SPHKAP: variants seen among roughly 807,000 people sequenced by gnomAD.
SPHKAP encodes A-kinase anchor protein SPHKAP.
A neutral mutation model predicts 137.5 loss-of-function variants in SPHKAP; 67 were observed. That is an observed-to-expected ratio of 0.49 (90% CI 0.40 to 0.60). The LOEUF is 0.60. SPHKAP is among the 20% of genes least tolerant of loss of function. The probability of loss-of-function intolerance (pLI) is 0.00; values close to 1 mark genes in which losing one functional copy is unlikely to be tolerated. For missense variants in SPHKAP, 2,097 were observed against 2,069.3 expected (o/e 1.01, Z -0.26); for synonymous variants, 813 against 785.3 (o/e 1.04, Z -0.59).
chr2:228,042,272 G>T (rs11683009), intron 3 of SPHKAP, among the ~76,000 whole-genome samples: 1 of 152,088 alleles, frequency 6.6e-6, no homozygotes, highest in Non-Finnish European at 1.5e-5. Context: ...ATGTTCCTGC[G>T]CTCTGAACCA....
intron 3 of SPHKAP, among the ~76,000 whole-genome samples, chr2:228,050,969 C>A (rs1382944448): frequency 6.6e-6 from 1 of 151,994 alleles, no homozygotes; most frequent in Non-Finnish European, 1.5e-5. Flanking sequence ...ACACACCAGG[C>A]TAATTTTTGT....
rs370793462 is a variant in SPHKAP at position 228,027,476 on chromosome 2, A to C, written c.306+8T>G. 7 of 1,613,858 alleles carry C rather than the reference A, an allele frequency of 4.3e-6. No homozygotes were observed. In the Admixed American group the frequency reaches 1.0e-4, roughly 23 times the overall value. ...GACCTCCCGGTCAGCTTGAGTTTCA[A>C]ATGTTACCTGTTGCAGGTGCTCTGT... On this transcript the variant is annotated splice_region_variant and intron_variant, in intron 4 of 11. Coordinates refer to ENST00000392056, the MANE Select transcript of SPHKAP (RefSeq NM_001142644.2).
rs887956131 is a variant in SPHKAP, at chr2:228,181,132, A to G, written c.32+435T>C. 1.3e-5 allele frequency among the ~76,000 whole-genome samples: 2 copies of G among 152,082 alleles called. No homozygotes were observed. Among genetic ancestry groups the G allele is most frequent in the African/African-American group, 4.8e-5 (2 of 41,428 alleles). ...CCCCAGCAGCCCCAGACACCCGCCC[A>G]GGTCAAGGTGGAAGGAAAGCGGGGG... On this transcript the variant is annotated intron_variant, in intron 1 of 11. Coordinates refer to ENST00000392056, the MANE Select transcript of SPHKAP (RefSeq NM_001142644.2). This position sits in a 1 kb window ranked among gnomAD's most constrained non-coding sequence, Gnocchi z 4.3.
At chr2:228,082,457 G>GTTC (rs372868288) in intron 3 of SPHKAP, among the ~76,000 whole-genome samples, 3 of 108 alleles carry the variant, frequency 0.028, no homozygotes, top group African/African-American at 0.1. Flanking sequence ...AGTAGATAAA[G>GTTC]TTGTTATTAA....
intron 3 of SPHKAP, among the ~76,000 whole-genome samples, chr2:228,049,854 T>A (rs1310341511): frequency 1.3e-5 from 2 of 152,172 alleles, no homozygotes; most frequent in African/African-American, 4.8e-5. Flanking sequence ...CTGCATAGCA[T>A]TCCATGGTAT....
At chr2:228,101,657 G>A (rs1392180178) in intron 3 of SPHKAP, among the ~76,000 whole-genome samples, 1 of 152,186 alleles carries the variant, frequency 6.6e-6, no homozygotes, top group Non-Finnish European at 1.5e-5. Context: ...TTGCAGATAA[G>A]GAACCTGAGG....
At position 228,108,920 on chromosome 2, in the gene SPHKAP, A is replaced by G; in HGVS notation, c.158T>C (p.Leu53Pro). ...CAACCAGTAGTCTGTTGACTCCAGC[A>G]GGCTATTGCTGCGAAGAACCTGGAG... is the stretch of plus-strand genomic sequence containing the variant. Reference protein sequence around the residue: ...ACKKVLRSNSLLESTDYWLQN... With the variant: ...ACKKVLRSNSPLESTDYWLQN... Residue 53 changes from leucine (L) to proline (P), a missense_variant, in exon 3 of 12, where the codon CTG becomes CCG. Transcript: ENST00000392056. 3 of 1,602,730 alleles carry G rather than the reference A, an allele frequency of 1.9e-6. No individual in the cohort carries two copies. Among genetic ancestry groups the G allele is most frequent in the Non-Finnish European group, 1.7e-6 (2 of 1,177,114 alleles).
At chr2:228,071,156 T>C (rs1462947175) in intron 3 of SPHKAP, among the ~76,000 whole-genome samples, 1 of 152,186 alleles carries the variant, frequency 6.6e-6, no homozygotes, top group African/African-American at 2.4e-5. Context: ...CTTTATAGTA[T>C]GGGTAGTCCT....
chr2:228,142,591 C>T (rs1033658901), intron 1 of SPHKAP, among the ~76,000 whole-genome samples: 7 of 151,854 alleles, frequency 4.6e-5, no homozygotes, highest in Non-Finnish European at 7.4e-5. Flanking sequence ...AGCAAACTAA[C>T]GCAGGAAGAG....
chr2:228,007,562 T>A (rs1694190082), intron 7 of SPHKAP, among the ~76,000 whole-genome samples: 1 of 152,126 alleles, frequency 6.6e-6, no homozygotes, highest in African/African-American at 2.4e-5. Context: ...GAGATCAGAC[T>A]GTATTTGTCT....
intron 1 of SPHKAP, among the ~76,000 whole-genome samples, chr2:228,162,505 A>C (rs1574909548): frequency 6.6e-6 from 1 of 152,330 alleles, no homozygotes; most frequent in South Asian, 2.1e-4. Flanking sequence ...AATTATATTC[A>C]TGCAGCTATT....
intron 11 of SPHKAP, among the ~76,000 whole-genome samples, chr2:227,987,600 A>G (rs755712726): frequency 6.6e-6 from 1 of 152,184 alleles, no homozygotes; most frequent in Non-Finnish European, 1.5e-5. Flanking sequence ...AAAATGAAGT[A>G]CCATTTGTCA....
chr2:228,070,943 C>G (rs1696985628), intron 3 of SPHKAP, among the ~76,000 whole-genome samples: 1 of 152,094 alleles, frequency 6.6e-6, no homozygotes, highest in Non-Finnish European at 1.5e-5. Context: ...TCATGGGGTT[C>G]TGGGTGGCCC....
intron 1 of SPHKAP, among the ~76,000 whole-genome samples, chr2:228,154,834 C>T (rs951544540): frequency 6.7e-6 from 1 of 150,344 alleles, no homozygotes; most frequent in African/African-American, 2.4e-5. Context: ...GCTGGGATTA[C>T]AGTCTTGAGC....
rs928701112 is a variant in SPHKAP, at chr2:228,101,012, T to A, written c.246+7820A>T. On this transcript the variant is annotated intron_variant, in intron 3 of 11. Coordinates refer to ENST00000392056, the MANE Select transcript of SPHKAP (RefSeq NM_001142644.2). Reference sequence around the variant, plus strand: ...CTCAGCCCAAGCCGCTTTCTCTATCTGCACATTCTCCCTGGTTGGCTGATC... The same window carrying A: ...CTCAGCCCAAGCCGCTTTCTCTATCAGCACATTCTCCCTGGTTGGCTGATC... Among the ~76,000 whole-genome samples the A allele has an allele frequency of 3.9e-5, 6 of 152,316 alleles. No individual in the cohort carries two copies. The East Asian group carries it at 7.7e-4, about 20-fold the overall frequency.
rs11336381 is a variant in SPHKAP at position 228,093,859 on chromosome 2, C to CAAAAAAA, written c.246+14966_246+14972dup. On this transcript the variant is annotated intron_variant, in intron 3 of 11. Coordinates refer to ENST00000392056, the MANE Select transcript of SPHKAP (RefSeq NM_001142644.2). ...TGGGCGACAGGGCAAGACTCCGTTT[C>CAAAAAAA]AAAAAAAAAAAAAAAAAAAAAAAAA... Among the ~76,000 whole-genome samples, 80 of 77,136 alleles carry CAAAAAAA rather than the reference C, an allele frequency of 1.0e-3. 10 individuals carry two copies. Among genetic ancestry groups the CAAAAAAA allele is most frequent in the Non-Finnish European group, 1.4e-3 (60 of 42,968 alleles). The allele number at this position is 77,136 out of a possible 152,430, so 50.6% of individuals were successfully genotyped here.
At chr2:228,158,162 G>C (rs954431204) in intron 1 of SPHKAP, among the ~76,000 whole-genome samples, 1 of 152,132 alleles carries the variant, frequency 6.6e-6, no homozygotes, top group Non-Finnish European at 1.5e-5. Flanking sequence ...AAATTCATCA[G>C]CATTCTGTTC....
intron 1 of SPHKAP, among the ~76,000 whole-genome samples, chr2:228,134,206 G>GAGGA (rs1333413739): frequency 7.1e-6 from 1 of 140,338 alleles, no homozygotes; most frequent in Non-Finnish European, 1.5e-5. Context: ...GGGAGGGAGC[G>GAGGA]AGGAAGGAAG....
intron 1 of SPHKAP, among the ~76,000 whole-genome samples, chr2:228,178,442 C>T (rs1275777071): frequency 6.6e-6 from 1 of 152,144 alleles, no homozygotes; most frequent in East Asian, 1.9e-4. Context: ...ACGCTAGTTA[C>T]CAATATAAAA....
Sources: allele counts gnomAD v4.1 joint callset (sites outside exome capture counted in the v4.1 genomes callset), GRCh38; gene constraint gnomAD v4.1.1; non-coding constraint Gnocchi (gnomAD v3.1); transcripts MANE v1.5; gene names NCBI Gene and HGNC (gene_info 2026-07-23, HGNC 2026-07-21).